The following RGS7BP variants were observed in gnomAD, a reference collection of about 807,000 sequenced individuals.
The protein encoded by RGS7BP is regulator of G protein signaling 7-binding protein.
In RGS7BP, 9 loss-of-function variants were observed where a neutral mutation model predicts 31.3. The ratio of observed to expected loss-of-function variants is 0.29; its 90% confidence interval spans 0.17 to 0.50. The LOEUF is 0.50. RGS7BP is among the 20% of genes least tolerant of loss of function. The probability of loss-of-function intolerance (pLI) is 0.98; values close to 1 mark genes in which losing one functional copy is unlikely to be tolerated. For synonymous variants in RGS7BP, 115 were observed against 120.1 expected, an observed-to-expected ratio of 0.96 and a Z score of 0.28; for missense variants, 274 against 322.0, an observed-to-expected ratio of 0.85 and a Z score of 1.14.
chr5:64,558,105 T>C (rs1302940387), intron 2 of RGS7BP, among the ~76,000 whole-genome samples: 1 of 152,112 alleles, frequency 6.6e-6, no homozygotes, highest in Non-Finnish European at 1.5e-5. Context: ...GCCATATCAC[T>C]GTGGGCCTGG....
chr5:64,521,086 C>T (rs1180126624), intron 2 of RGS7BP, among the ~76,000 whole-genome samples: 1 of 152,164 alleles, frequency 6.6e-6, no homozygotes, highest in African/African-American at 2.4e-5. Context: ...TTTCTAGTTT[C>T]CAGCCAAAAT....
intron 3 of RGS7BP, among the ~76,000 whole-genome samples, chr5:64,590,133 TA>T (rs1742871973): frequency 6.6e-6 from 1 of 151,830 alleles, no homozygotes; most frequent in Admixed American, 6.6e-5. Context: ...TAGGTATAGA[TA>T]AAAGAGAAGA....
chr5:64,545,058 C>A (rs1003116596), intron 2 of RGS7BP, among the ~76,000 whole-genome samples: 12 of 151,970 alleles, frequency 7.9e-5, no homozygotes, highest in Admixed American at 2.6e-4. Flanking sequence ...CACCTGTAGT[C>A]CCAGCTACTC....
At chr5:64,580,123 A>G (rs1352624416) in intron 3 of RGS7BP, among the ~76,000 whole-genome samples, 2 of 152,326 alleles carry the variant, frequency 1.3e-5, no homozygotes, top group East Asian at 3.9e-4. Context: ...GAGTTGAGGA[A>G]GAGATAGGTC....
intron 2 of RGS7BP, among the ~76,000 whole-genome samples, chr5:64,535,329 T>C (rs879758325): frequency 6.6e-6 from 1 of 152,222 alleles, no homozygotes; most frequent in Admixed American, 6.5e-5. Flanking sequence ...AACAAGTGTA[T>C]ACACTAGATG....
intron 2 of RGS7BP, among the ~76,000 whole-genome samples, chr5:64,514,090 A>T (rs1002453049): frequency 6.6e-6 from 1 of 152,042 alleles, no homozygotes; most frequent in African/African-American, 2.4e-5. Context: ...TGTCTTTCAC[A>T]TTCTTCGGTT....
Position 64,609,319 on chromosome 5 carries a change from C to T in RGS7BP, c.*67C>T. 1 of 864,718 alleles carries T rather than the reference C, an allele frequency of 1.2e-6. No homozygotes were observed. Among genetic ancestry groups the T allele is most frequent in the Non-Finnish European group, 2.0e-6 (1 of 497,704 alleles). 53.6% of individuals were successfully genotyped at this position (864,718 alleles called of 1,614,324 possible). A position where few individuals can be genotyped will look rare whatever the true frequency, so the allele number is the denominator to read the frequency against. ...ATCACAAAACCCGAGGACCTCCAGA[C>T]AGCTGAACCACACAGTTATTGGTTT... On this transcript the variant is annotated 3_prime_UTR_variant, in exon 6 of 6. Transcript: ENST00000334025.
intron 2 of RGS7BP, among the ~76,000 whole-genome samples, chr5:64,513,092 T>G (rs1407708197): frequency 1.3e-5 from 2 of 152,204 alleles, no homozygotes; most frequent in African/African-American, 4.8e-5. Context: ...TTTACAGAAC[T>G]GAGCTATGAA....
chr5:64,580,816 T>G (rs914883990), intron 3 of RGS7BP, among the ~76,000 whole-genome samples: 1 of 152,134 alleles, frequency 6.6e-6, no homozygotes, highest in Non-Finnish European at 1.5e-5. Flanking sequence ...AGAAATAAAA[T>G]AGTCCCCAGA....
intron 2 of RGS7BP, among the ~76,000 whole-genome samples, chr5:64,563,087 A>G (rs946748663): frequency 9.9e-5 from 15 of 151,904 alleles, no homozygotes; most frequent in African/African-American, 3.6e-4. Context: ...TTGGAAGTCT[A>G]GCATTGGCAC....
chr5:64,548,163 T>A (rs866367651), intron 2 of RGS7BP, among the ~76,000 whole-genome samples: 1 of 152,144 alleles, frequency 6.6e-6, no homozygotes, highest in Non-Finnish European at 1.5e-5. Context: ...TAATATTATA[T>A]ACAATATTGT....
chr5:64,543,070 T>C (rs1391842321), intron 2 of RGS7BP, among the ~76,000 whole-genome samples: 1 of 152,198 alleles, frequency 6.6e-6, no homozygotes, highest in Admixed American at 6.5e-5. Context: ...AAGTAAGTGC[T>C]TAGAGTATAT....
At chr5:64,581,823 T>G (rs1742604731) in intron 3 of RGS7BP, among the ~76,000 whole-genome samples, 1 of 152,244 alleles carries the variant, frequency 6.6e-6, no homozygotes, top group South Asian at 2.1e-4. Flanking sequence ...GGAAATCTTT[T>G]TTACTTTGCA....
At chr5:64,523,907 A>G (rs1749170496) in intron 2 of RGS7BP, among the ~76,000 whole-genome samples, 1 of 152,198 alleles carries the variant, frequency 6.6e-6, no homozygotes, top group Non-Finnish European at 1.5e-5. Flanking sequence ...TCTTGCATCA[A>G]ACAGGAACCA....
At position 64,526,377 on chromosome 5, in the gene RGS7BP, G is replaced by T. The variant is rs1749230931; in HGVS notation, c.332+18500G>T. 2.0e-5 allele frequency among the ~76,000 whole-genome samples: 3 copies of T among 152,198 alleles called. No individual in the cohort carries two copies. In the South Asian group the frequency reaches 6.2e-4, roughly 32 times the overall value. Reference sequence around the variant, plus strand: ...AACTCTTCTCAGCTCAGGCCCTGGAGTGGGAACCTGTGGGTATGAATTGAA... The same window carrying T: ...AACTCTTCTCAGCTCAGGCCCTGGATTGGGAACCTGTGGGTATGAATTGAA... On this transcript the variant is annotated intron_variant, in intron 2 of 5. Transcript: ENST00000334025.
At chr5:64,601,543 AG>A in intron 5 of RGS7BP, 5 of 544,740 alleles carry the variant, frequency 9.2e-6, no homozygotes, top group Non-Finnish European at 9.4e-6. Flanking sequence ...ATCCAGTTTA[AG>A]ACTGGAGGCC....
At chr5:64,525,733 G>A (rs904468984) in intron 2 of RGS7BP, among the ~76,000 whole-genome samples, 2 of 152,072 alleles carry the variant, frequency 1.3e-5, no homozygotes, top group East Asian at 1.9e-4. Context: ...TCTTGCCCAC[G>A]ACCCCACAGG....
intron 2 of RGS7BP, chr5:64,573,588 C>T (rs1428011313): frequency 6.6e-6 from 1 of 150,916 alleles, no homozygotes; most frequent in Non-Finnish European, 1.5e-5. Context: ...ATCACATACA[C>T]TAAAATTGAA....
intron 3 of RGS7BP, among the ~76,000 whole-genome samples, chr5:64,579,398 G>A (rs894810434): frequency 1.3e-5 from 2 of 151,774 alleles, no homozygotes; most frequent in Non-Finnish European, 2.9e-5. Flanking sequence ...ACAAAAATTA[G>A]CTGGGTGTGG....
Sources: allele counts gnomAD v4.1 joint callset (sites outside exome capture counted in the v4.1 genomes callset), GRCh38; gene constraint gnomAD v4.1.1; transcripts MANE v1.5; gene names NCBI Gene and HGNC (gene_info 2026-07-23, HGNC 2026-07-21).